The following CSMD3 variants were observed in gnomAD, a reference collection of about 807,000 sequenced individuals.
CSMD3 encodes the protein CUB and sushi domain-containing protein 3.
A neutral mutation model predicts 435.2 loss-of-function variants in CSMD3; 177 were observed. The ratio of observed to expected loss-of-function variants is 0.41; its 90% CI spans 0.36 to 0.46. The LOEUF (loss-of-function observed/expected upper bound fraction) is 0.46, where lower values mean the gene tolerates loss of function less well. CSMD3 is among the 20% of genes least tolerant of loss of function. The pLI is 0.34. For synonymous variants in CSMD3, 1,656 were observed against 1,520.5 expected, an observed-to-expected ratio of 1.09 and a Z score of -2.07; for missense variants, 4,265 against 4,504.6, an observed-to-expected ratio of 0.95 and a Z score of 1.52.
intron 22 of CSMD3, among the ~76,000 whole-genome samples, chr8:112,596,706 A>T (rs1831757204): frequency 6.6e-6 from 1 of 152,136 alleles, no homozygotes; most frequent in African/African-American, 2.4e-5. Context: ...CTCAGGATTA[A>T]GAATCTCACT....
At chr8:112,335,742 T>G (rs576439940) in intron 44 of CSMD3, among the ~76,000 whole-genome samples, 30 of 151,692 alleles carry the variant, frequency 2.0e-4, no homozygotes, top group Non-Finnish European at 3.5e-4. Context: ...TCTTTGTTTT[T>G]TTTTTTTTTT....
chr8:113,088,626 C>T (rs895591365), intron 5 of CSMD3, among the ~76,000 whole-genome samples: 44 of 148,490 alleles, frequency 3.0e-4, no homozygotes, highest in African/African-American at 4.5e-4. Context: ...AACGAAACAC[C>T]GCATGTTCTC....
chr8:112,459,770 G>A (rs374902458), intron 32 of CSMD3, among the ~76,000 whole-genome samples: 3 of 152,204 alleles, frequency 2.0e-5, no homozygotes, highest in African/African-American at 7.2e-5. Context: ...TCATAATCTG[G>A]TCTCTGCCTT....
At chr8:112,411,060 A>T (rs1163135007) in intron 32 of CSMD3, among the ~76,000 whole-genome samples, 1 of 151,118 alleles carries the variant, frequency 6.6e-6, no homozygotes, top group African/African-American at 2.4e-5. Context: ...CAAACATTTA[A>T]AACAACTAAA....
intron 5 of CSMD3, among the ~76,000 whole-genome samples, chr8:113,036,707 T>A (rs1466701500): frequency 6.6e-6 from 1 of 152,082 alleles, no homozygotes; most frequent in Non-Finnish European, 1.5e-5. Flanking sequence ...TTTGTAAAAC[T>A]GTTTATTTAA....
At chr8:112,772,579 C>T (rs2078147065) in intron 13 of CSMD3, among the ~76,000 whole-genome samples, 3 of 151,128 alleles carry the variant, frequency 2.0e-5, no homozygotes, top group Admixed American at 2.0e-4. Flanking sequence ...GAAGTTCCCC[C>T]AGCCCTACAC....
intron 45 of CSMD3, among the ~76,000 whole-genome samples, chr8:112,330,406 G>A (rs1353462179): frequency 6.6e-6 from 1 of 151,954 alleles, no homozygotes. Context: ...AATTTCCCTA[G>A]TACATTGATA....
intron 5 of CSMD3, among the ~76,000 whole-genome samples, chr8:113,055,751 G>A (rs2088303807): frequency 6.6e-6 from 1 of 152,168 alleles, no homozygotes; most frequent in South Asian, 2.1e-4. Context: ...TTCAGGGATA[G>A]CAGAGTTTCT....
At chr8:112,487,568 T>C (rs1262099049) in intron 31 of CSMD3, among the ~76,000 whole-genome samples, 1 of 152,146 alleles carries the variant, frequency 6.6e-6, no homozygotes, top group African/African-American at 2.4e-5. Context: ...CATTGGTGGA[T>C]TTTGAGTAAA....
At chr8:112,893,358 T>C (rs990718807) in intron 10 of CSMD3, among the ~76,000 whole-genome samples, 12 of 151,498 alleles carry the variant, frequency 7.9e-5, no homozygotes, top group African/African-American at 2.7e-4. Flanking sequence ...GTAAACCTTT[T>C]AAAGTATTGG....
intron 5 of CSMD3, among the ~76,000 whole-genome samples, chr8:113,046,206 A>G (rs1297487516): frequency 6.7e-6 from 1 of 148,626 alleles, no homozygotes; most frequent in African/African-American, 2.4e-5. Flanking sequence ...GACGCCAACC[A>G]CACGAGGTGC....
At chr8:112,846,972 C>A (rs777376043) in intron 11 of CSMD3, among the ~76,000 whole-genome samples, 15 of 151,868 alleles carry the variant, frequency 9.9e-5, no homozygotes, top group Non-Finnish European at 2.2e-4. Flanking sequence ...ACCAGAGCTA[C>A]TTTTCTTGGC....
intron 5 of CSMD3, among the ~76,000 whole-genome samples, chr8:113,057,529 C>T (rs1230530927): frequency 2.0e-5 from 3 of 151,966 alleles, no homozygotes; most frequent in Non-Finnish European, 2.9e-5. Flanking sequence ...TAGAACAACT[C>T]ATAATAAATA....
intron 59 of CSMD3, among the ~76,000 whole-genome samples, chr8:112,274,076 G>A (rs761918591): frequency 5.9e-5 from 9 of 151,972 alleles, no homozygotes; most frequent in African/African-American, 1.2e-4. Context: ...TAAAGGCTAC[G>A]GTGGGATAGT....
chr8:112,286,040 G>A (rs1240780848), intron 58 of CSMD3, among the ~76,000 whole-genome samples: 1 of 152,054 alleles, frequency 6.6e-6, no homozygotes. Flanking sequence ...ATTTAATTAT[G>A]TTAACTCTGA....
chr8:112,686,797 A>AT (rs1325650681), intron 14 of CSMD3, among the ~76,000 whole-genome samples: 2 of 151,926 alleles, frequency 1.3e-5, no homozygotes. Flanking sequence ...TTTATTACAT[A>AT]TTTTTTAAAA....
At chr8:112,358,436 C>T (rs1907803) in intron 38 of CSMD3, among the ~76,000 whole-genome samples, 59,492 of 151,794 alleles carry the variant, frequency 0.39, 13,258 homozygotes, top group Middle Eastern at 0.53. Flanking sequence ...TGGGAGAGGC[C>T]GGGGGTGGAA....
intron 13 of CSMD3, among the ~76,000 whole-genome samples, chr8:112,738,793 G>C (rs1181085508): frequency 6.6e-6 from 1 of 151,528 alleles, no homozygotes; most frequent in African/African-American, 2.4e-5. Flanking sequence ...AAAATAAAAA[G>C]CAATAACTTT....
intron 1 of CSMD3, among the ~76,000 whole-genome samples, chr8:113,433,217 G>A (rs1248790034): frequency 6.6e-6 from 1 of 152,148 alleles, no homozygotes; most frequent in Non-Finnish European, 1.5e-5. Context: ...TTATTATTTT[G>A]AAAAGACATT....
Sources: gnomAD v4.1 joint callset for allele counts (sites outside exome capture counted in the v4.1 genomes callset) on GRCh38, gnomAD v4.1.1 for gene constraint, MANE v1.5 for transcripts, NCBI Gene and HGNC (gene_info 2026-07-23, HGNC 2026-07-21) for gene names.